Variants in DCC observed in about 807,000 individuals in gnomAD.
DCC encodes DCC netrin 1 receptor.
DCC carries 58 observed loss-of-function variants against 172.5 expected under a neutral mutation model. The ratio of observed to expected loss-of-function variants is 0.34; its 90% CI spans 0.27 to 0.42. The LOEUF (loss-of-function observed/expected upper bound fraction) is 0.42. DCC is among the 10% of genes least tolerant of loss of function. DCC has a pLI of 1.00. For missense variants in DCC, 1,740 were observed against 1,791.0 expected, an observed-to-expected ratio of 0.97 and a Z score of 0.51; for synonymous variants, 709 against 644.5, an observed-to-expected ratio of 1.10 and a Z score of -1.52.
At chr18:52,409,594 C>G (rs1986774808) in intron 1 of DCC, among the ~76,000 whole-genome samples, 1 of 152,082 alleles carries the variant, frequency 6.6e-6, no homozygotes, top group African/African-American at 2.4e-5. Flanking sequence ...GCTGGGTGAC[C>G]TTTACAAATC....
intron 1 of DCC, among the ~76,000 whole-genome samples, chr18:52,357,969 T>C (rs1048228929): frequency 2.0e-5 from 3 of 148,992 alleles, no homozygotes; most frequent in Non-Finnish European, 4.5e-5. Flanking sequence ...TGACAAACAC[T>C]ACCTCAGCCA....
In DCC at chr18:52,609,411, G is replaced by GGTGGCTTA. The variant is rs2034203284; in HGVS notation, c.92-142642_92-142635dup. ...TTACAATATAGCAGCTAGTATGCCG[G>GGTGGCTTA]GTGGCTTAAGCAACATTCACTCCAT... On this transcript the variant is annotated intron_variant, in intron 1 of 28. Transcript: ENST00000442544. Among the ~76,000 whole-genome samples the GGTGGCTTA allele has an allele frequency of 5.1e-5, 4 of 78,116 alleles. No homozygotes were observed. In the South Asian group the frequency reaches 1.3e-3, roughly 25 times the overall value. The allele number at this position is 78,116 out of a possible 152,430, so 51.2% of individuals were successfully genotyped here.
intron 5 of DCC, among the ~76,000 whole-genome samples, chr18:53,062,836 A>G (rs1178094709): frequency 6.6e-6 from 1 of 152,160 alleles, no homozygotes; most frequent in Admixed American, 6.6e-5. Flanking sequence ...GCCAGTTTCA[A>G]CAGAAAATGA....
intron 2 of DCC, among the ~76,000 whole-genome samples, chr18:52,821,336 C>A (rs1195079818): frequency 2.0e-5 from 3 of 152,182 alleles, no homozygotes; most frequent in Admixed American, 6.5e-5. Context: ...CTCTTCCCCT[C>A]CTTCATCATT....
chr18:53,135,264 G>T (rs2043722946), intron 7 of DCC, among the ~76,000 whole-genome samples: 1 of 152,078 alleles, frequency 6.6e-6, no homozygotes, highest in Non-Finnish European at 1.5e-5. Flanking sequence ...TCCTTCCAGA[G>T]ATGATATAAC....
At chr18:52,519,390 G>A (rs894675652) in intron 1 of DCC, among the ~76,000 whole-genome samples, 27 of 151,290 alleles carry the variant, frequency 1.8e-4, no homozygotes, top group African/African-American at 6.5e-4. Flanking sequence ...GAAGCTGATG[G>A]GAGAAATAAG....
At chr18:52,606,206 A>G (rs1184433861) in intron 1 of DCC, among the ~76,000 whole-genome samples, 2 of 152,108 alleles carry the variant, frequency 1.3e-5, no homozygotes, top group African/African-American at 4.8e-5. Context: ...ACAGAAATGC[A>G]TTTTGGTGAA....
chr18:52,868,069 GTGTGTGTGTA>G (rs899259118), intron 2 of DCC, among the ~76,000 whole-genome samples: 5 of 136,232 alleles, frequency 3.7e-5, no homozygotes, highest in African/African-American at 1.3e-4. Flanking sequence ...GTGTGTGTGT[GTGTGTGTGTA>G]TATATGTGTG....
intron 1 of DCC, among the ~76,000 whole-genome samples, chr18:52,507,715 C>A (rs1291064864): frequency 1.3e-5 from 2 of 152,172 alleles, no homozygotes; most frequent in African/African-American, 4.8e-5. Context: ...TCAAAATCTA[C>A]CATTTCTAGA....
At chr18:53,004,292 A>C (rs2041611925) in intron 5 of DCC, among the ~76,000 whole-genome samples, 1 of 152,222 alleles carries the variant, frequency 6.6e-6, no homozygotes, top group South Asian at 2.1e-4. Flanking sequence ...AATTTCACGT[A>C]TCAGTTACCA....
intron 1 of DCC, among the ~76,000 whole-genome samples, chr18:52,466,352 G>T (rs1988785458): frequency 6.6e-6 from 1 of 152,102 alleles, no homozygotes; most frequent in Non-Finnish European, 1.5e-5. Flanking sequence ...ACGAAGTACA[G>T]CTATGAAATA....
chr18:53,051,589 T>C (rs543945173), intron 5 of DCC, among the ~76,000 whole-genome samples: 2 of 152,272 alleles, frequency 1.3e-5, no homozygotes, highest in African/African-American at 4.8e-5. Flanking sequence ...GCACTTTTCA[T>C]AATTGACAAA....
intron 26 of DCC, among the ~76,000 whole-genome samples, chr18:53,493,803 A>G (rs893071590): frequency 5.3e-5 from 8 of 151,682 alleles, no homozygotes; most frequent in African/African-American, 1.9e-4. Context: ...GTCTTCTGCT[A>G]GCTTTTTCCT....
chr18:53,367,995 C>T (rs2058024096), intron 15 of DCC, among the ~76,000 whole-genome samples: 1 of 152,048 alleles, frequency 6.6e-6, no homozygotes, highest in African/African-American at 2.4e-5. Flanking sequence ...TTGCTTGAGG[C>T]TCTACCATAC....
chr18:52,835,802 C>T (rs983575507), intron 2 of DCC, among the ~76,000 whole-genome samples: 4 of 152,080 alleles, frequency 2.6e-5, no homozygotes, highest in African/African-American at 9.7e-5. Context: ...CTTTGATACG[C>T]ATTTTATTTT....
chr18:52,883,258 A>G (rs1290712957), intron 2 of DCC, among the ~76,000 whole-genome samples: 1 of 151,868 alleles, frequency 6.6e-6, no homozygotes, highest in Non-Finnish European at 1.5e-5. Context: ...ATTCAATGTT[A>G]TGATTGATAA....
chr18:52,897,023 C>T (rs1270065868), intron 2 of DCC, among the ~76,000 whole-genome samples: 3 of 152,184 alleles, frequency 2.0e-5, no homozygotes, highest in African/African-American at 4.8e-5. Flanking sequence ...TCCTGAATTA[C>T]TCCATGGCTT....
At chr18:52,902,780 C>A (rs1333762990) in intron 2 of DCC, among the ~76,000 whole-genome samples, 8 of 152,192 alleles carry the variant, frequency 5.3e-5, no homozygotes, top group Admixed American at 4.6e-4. Context: ...CTTATAGAGC[C>A]TTATAAACTT....
chr18:52,719,436 G>A (rs1411066214), intron 1 of DCC, among the ~76,000 whole-genome samples: 1 of 152,086 alleles, frequency 6.6e-6, no homozygotes, highest in Non-Finnish European at 1.5e-5. Context: ...GAAGGGTGAG[G>A]GCTCCGACGG....
Sources: gnomAD v4.1 joint callset for allele counts (sites outside exome capture counted in the v4.1 genomes callset) on GRCh38, gnomAD v4.1.1 for gene constraint, MANE v1.5 for transcripts, NCBI Gene and HGNC (gene_info 2026-07-23, HGNC 2026-07-21) for gene names.